The following DMD variants were observed in gnomAD, a reference collection of about 807,000 sequenced individuals.
DMD encodes dystrophin, also known as mutant dystrophin.
In DMD, 63 loss-of-function variants were observed where a neutral mutation model predicts 330.1. That is an observed-to-expected ratio of 0.19 (90% confidence interval 0.16 to 0.24). The LOEUF is 0.24. Among genes scored for constraint, DMD ranks in the 10% least tolerant of loss-of-function variants. The pLI is 1.00. For synonymous variants in DMD, 1,223 were observed against 959.8 expected (o/e 1.27, Z -5.07); for missense variants, 3,344 against 2,684.1 (o/e 1.25, Z -5.43).
intron 1 of DMD, among the ~76,000 whole-genome samples, chrX:33,035,273 T>C (rs751918827): frequency 8.9e-6 from 1 of 111,827 alleles, no homozygotes; most frequent in Non-Finnish European, 1.9e-5. Context: ...CCATTCTTTT[T>C]ATGGATATAC....
intron 29 of DMD, among the ~76,000 whole-genome samples, chrX:32,434,470 C>T (rs923888270): frequency 9.0e-6 from 1 of 111,343 alleles, no homozygotes; most frequent in Admixed American, 9.6e-5. Flanking sequence ...TTTTGTTTAA[C>T]CAACCAAAAA....
intron 43 of DMD, among the ~76,000 whole-genome samples, chrX:32,259,961 G>C (rs1028715423): frequency 9.0e-6 from 1 of 111,569 alleles, no homozygotes; most frequent in African/African-American, 3.3e-5. Context: ...TAGCATCTGA[G>C]CAGGGCATGG....
chrX:32,731,932 GAGA>G (rs1344639890), intron 7 of DMD, among the ~76,000 whole-genome samples: 1 of 112,255 alleles, frequency 8.9e-6, no homozygotes, highest in Non-Finnish European at 1.9e-5. Flanking sequence ...GACGAGCTGA[GAGA>G]AGAAGGCTTC....
At chrX:32,906,760 A>C (rs1009964072) in intron 2 of DMD, among the ~76,000 whole-genome samples, 2 of 111,577 alleles carry the variant, frequency 1.8e-5, no homozygotes. Context: ...ACTACATGAG[A>C]GAGAGCAGTT....
chrX:31,187,717 CAGAGAGAG>C lies in DMD; in HGVS notation c.9808-4821_9808-4814del, dbSNP rs55674554. The stretch of plus-strand genomic sequence containing the variant: ...CAGCTCTGGAATCTTCCCAGATTCT[CAGAGAGAG>C]AGAGAGAGAGAGAGAGAGAGAGAGA... On this transcript the variant is annotated intron_variant, in intron 67 of 78. Coordinates refer to ENST00000357033, the MANE Select transcript of DMD (RefSeq NM_004006.3). Among the ~76,000 whole-genome samples the C allele has an allele frequency of 5.5e-3, 364 of 66,617 alleles. 4 individuals are homozygous for C. The highest frequency in any genetic ancestry group is 8.5e-3 in the Middle Eastern group (1 of 117). 57.8% of individuals were successfully genotyped at this position (66,617 alleles called of 115,157 possible).
rs2054162818 is a variant in DMD at position 32,585,621 on chromosome X, A to C, written c.1602+10136T>G. 5.3e-5 allele frequency among the ~76,000 whole-genome samples: 5 copies of C among 95,150 alleles called. No homozygotes were observed. The South Asian group carries it at 2.8e-3, about 54-fold the overall frequency. The allele number at this position is 95,150 out of a possible 115,157, so 82.6% of individuals were successfully genotyped here. A position where few individuals can be genotyped will look rare whatever the true frequency, so the allele number is the denominator to read the frequency against. ...AGTCTGAGGTAGGAGAATGGCATGA[A>C]CCCGGGAGGCAGAGCTTACAGTGAG... On this transcript the variant is annotated intron_variant, in intron 13 of 78. Coordinates refer to ENST00000357033, the MANE Select transcript of DMD (RefSeq NM_004006.3).
At chrX:31,786,426 G>A (rs1002281915) in intron 50 of DMD, among the ~76,000 whole-genome samples, 2 of 111,194 alleles carry the variant, frequency 1.8e-5, no homozygotes, top group Non-Finnish European at 3.8e-5. Context: ...ATTTTTTTGA[G>A]TACTATAATA....
chrX:32,991,995 C>G (rs2092991282), intron 2 of DMD, among the ~76,000 whole-genome samples: 1 of 112,119 alleles, frequency 8.9e-6, no homozygotes, highest in South Asian at 3.7e-4. Flanking sequence ...TTTGGCAAAA[C>G]TATTATGCCA....
intron 1 of DMD, among the ~76,000 whole-genome samples, chrX:33,052,162 CT>C (rs1341752573): frequency 9.0e-6 from 1 of 111,641 alleles, no homozygotes; most frequent in Non-Finnish European, 1.9e-5. Flanking sequence ...AAATATTGTT[CT>C]TTAAAGCTAT....
intron 32 of DMD, among the ~76,000 whole-genome samples, chrX:32,386,993 T>G (rs1056486028): frequency 2.3e-4 from 26 of 110,655 alleles, no homozygotes; most frequent in African/African-American, 8.2e-4. Flanking sequence ...CACCTAAATT[T>G]CTACATCATA....
chrX:31,893,189 C>T (rs1025675977), intron 47 of DMD, among the ~76,000 whole-genome samples: 1 of 111,852 alleles, frequency 8.9e-6, no homozygotes, highest in Admixed American at 9.5e-5. Flanking sequence ...TTCTTGCCCC[C>T]ACTAAATAAA....
chrX:31,630,829 GTAA>G (rs2079097331), intron 54 of DMD, among the ~76,000 whole-genome samples: 1 of 111,703 alleles, frequency 9.0e-6, no homozygotes, highest in African/African-American at 3.2e-5. Context: ...ATTAGAAACT[GTAA>G]TAATGCTTTG....
chrX:31,818,170 A>G (rs1005612894), intron 50 of DMD, among the ~76,000 whole-genome samples: 5 of 112,031 alleles, frequency 4.5e-5, no homozygotes, highest in African/African-American at 1.3e-4. Context: ...CAATCTGTAG[A>G]CTACACTCTA....
Position 32,837,138 on chromosome X carries a change from G to A in DMD, c.264+7645C>T, listed in dbSNP as rs979542670. On this transcript the variant is annotated intron_variant, in intron 4 of 78. Transcript: ENST00000357033. ...GCCCTAGCCAACATCAGAGTTCTCGGCATGCAGATTCTCAAGTCCTCATTT... is the reference window on the plus strand; with the variant it reads ...GCCCTAGCCAACATCAGAGTTCTCGACATGCAGATTCTCAAGTCCTCATTT... 7.2e-5 allele frequency among the ~76,000 whole-genome samples: 8 copies of A among 111,824 alleles called. No individual in the cohort carries two copies. In the East Asian group the frequency reaches 2.0e-3, roughly 28 times the overall value.
chrX:32,985,134 T>C (rs1438065626), intron 2 of DMD, among the ~76,000 whole-genome samples: 3 of 112,558 alleles, frequency 2.7e-5, no homozygotes, highest in East Asian at 2.8e-4. Context: ...TCCTAAGCTC[T>C]ACATCTGTAT....
At chrX:33,124,625 G>T (rs1462776633) in intron 1 of DMD, among the ~76,000 whole-genome samples, 1 of 109,660 alleles carries the variant, frequency 9.1e-6, no homozygotes, top group African/African-American at 3.3e-5. Flanking sequence ...TTCCAAGCAG[G>T]TATTAACTAC....
In DMD at chrX:32,699,106, C is replaced by T. The variant is rs749133846; in HGVS notation, c.831+6G>A. ...TTGAATAGTAGCTGTCCTTTACACACTTTACCTGTTGAGAATAGTGCATTT... is the reference window on the plus strand; with the variant it reads ...TTGAATAGTAGCTGTCCTTTACACATTTTACCTGTTGAGAATAGTGCATTT... On this transcript the variant is annotated splice_donor_region_variant and intron_variant, in intron 8 of 78. Coordinates refer to ENST00000357033, the MANE Select transcript of DMD (RefSeq NM_004006.3). 2 of 1,205,661 alleles carry T rather than the reference C, an allele frequency of 1.7e-6. No homozygotes were observed. Among genetic ancestry groups the T allele is most frequent in the Admixed American group, 2.2e-5 (1 of 45,943 alleles).
intron 7 of DMD, among the ~76,000 whole-genome samples, chrX:32,719,582 A>G (rs138825298): frequency 0.062 from 6,938 of 111,731 alleles, 191 homozygotes; most frequent in Non-Finnish European, 0.096. Flanking sequence ...ATATTATAGT[A>G]AAATAATGGA....
At chrX:32,473,395 C>A (rs186937231) in intron 21 of DMD, among the ~76,000 whole-genome samples, 3 of 111,039 alleles carry the variant, frequency 2.7e-5, no homozygotes, top group East Asian at 2.8e-4. Flanking sequence ...GTGGCAGAAG[C>A]CATATTTAAA....
Sources: gnomAD v4.1 joint callset for allele counts (sites outside exome capture counted in the v4.1 genomes callset) on GRCh38, gnomAD v4.1.1 for gene constraint, MANE v1.5 for transcripts, NCBI Gene and HGNC (gene_info 2026-07-23, HGNC 2026-07-21) for gene names.